The following SPIDR variants were observed in gnomAD, a reference collection of about 807,000 sequenced individuals.
The protein encoded by SPIDR is scaffold protein involved in DNA repair.
In SPIDR, 93 loss-of-function variants were observed where a neutral mutation model predicts 104.6. The ratio of observed to expected loss-of-function variants is 0.89; its 90% confidence interval spans 0.75 to 1.06. The LOEUF (loss-of-function observed/expected upper bound fraction) is 1.06, where lower values mean the gene tolerates loss of function less well. Among genes scored for constraint, SPIDR ranks in the 50% least tolerant of loss-of-function variants. The probability of loss-of-function intolerance (pLI) is 0.00; values close to 1 mark genes in which losing one functional copy is unlikely to be tolerated. For synonymous variants in SPIDR, 431 were observed against 416.9 expected, an observed-to-expected ratio of 1.03 and a Z score of -0.41; for missense variants, 1,154 against 1,111.2, an observed-to-expected ratio of 1.04 and a Z score of -0.55.
At chr8:47,290,762 G>T (rs1449681302) in intron 3 of SPIDR, among the ~76,000 whole-genome samples, 1 of 151,946 alleles carries the variant, frequency 6.6e-6, no homozygotes, top group Non-Finnish European at 1.5e-5. Flanking sequence ...TTATTTTTCC[G>T]GTTTTCATTT....
In SPIDR at chr8:47,269,269, T is replaced by A. The variant is rs1389868462; in HGVS notation, c.33+8278T>A. Among the ~76,000 whole-genome samples, 134 of 150,250 alleles carry A rather than the reference T, an allele frequency of 8.9e-4. 1 individual carries two copies. The highest frequency in any genetic ancestry group is 3.2e-3 in the African/African-American group (129 of 40,836). On this transcript the variant is annotated intron_variant, in intron 1 of 19. Transcript: ENST00000297423. ...GCAACAGAGTGAGACCATCTTTTTTTCCCCCCAAGACAGAATCTTGCGCTG... is the reference window on the plus strand; with the variant it reads ...GCAACAGAGTGAGACCATCTTTTTTACCCCCCAAGACAGAATCTTGCGCTG...
chr8:47,322,792 C>T (rs2046945837), intron 5 of SPIDR, among the ~76,000 whole-genome samples: 1 of 152,038 alleles, frequency 6.6e-6, no homozygotes. Flanking sequence ...TTTGTAGGGA[C>T]ATGGATGAAG....
intron 8 of SPIDR, among the ~76,000 whole-genome samples, chr8:47,455,268 C>CT (rs782634947): frequency 9.2e-5 from 14 of 151,980 alleles, no homozygotes; most frequent in Non-Finnish European, 1.9e-4. Flanking sequence ...GAGCAGAGTG[C>CT]TTGTAGACCA....
At chr8:47,367,640 G>A (rs2057393793) in intron 5 of SPIDR, among the ~76,000 whole-genome samples, 2 of 152,146 alleles carry the variant, frequency 1.3e-5, no homozygotes, top group South Asian at 4.1e-4. Context: ...TAAATGGTTG[G>A]TAAGAAATTC....
chr8:47,424,551 C>T (rs1036141054), intron 7 of SPIDR, among the ~76,000 whole-genome samples: 4 of 152,150 alleles, frequency 2.6e-5, no homozygotes, highest in Admixed American at 6.5e-5. Flanking sequence ...CTCTTGGCCT[C>T]AAGGGAACCT....
At chr8:47,470,437 C>T (rs1345616615) in intron 8 of SPIDR, among the ~76,000 whole-genome samples, 1 of 151,876 alleles carries the variant, frequency 6.6e-6, no homozygotes, top group Non-Finnish European at 1.5e-5. Flanking sequence ...TACAGGCGCC[C>T]ACCACCACGC....
intron 5 of SPIDR, chr8:47,330,854 C>T (rs1024058073): frequency 6.6e-6 from 3 of 455,806 alleles, no homozygotes; most frequent in Non-Finnish European, 8.8e-6. Flanking sequence ...CTTTCAACTC[C>T]TTTGAGTAGA....
At chr8:47,505,791 C>CT (rs1251940370) in intron 8 of SPIDR, among the ~76,000 whole-genome samples, 3 of 152,226 alleles carry the variant, frequency 2.0e-5, no homozygotes, top group Non-Finnish European at 4.4e-5. Flanking sequence ...AGTGACAACA[C>CT]TAGCAGTGCC....
intron 8 of SPIDR, among the ~76,000 whole-genome samples, chr8:47,514,048 G>A (rs1261896780): frequency 6.6e-6 from 1 of 152,102 alleles, no homozygotes; most frequent in Non-Finnish European, 1.5e-5. Context: ...GCAGAAAAAG[G>A]TCCATGGCAT....
At chr8:47,378,791 C>A (rs1206053590) in intron 5 of SPIDR, among the ~76,000 whole-genome samples, 1 of 152,200 alleles carries the variant, frequency 6.6e-6, no homozygotes, top group African/African-American at 2.4e-5. Flanking sequence ...TGCCAAAAGT[C>A]CAGCCGGTGC....
At chr8:47,732,546 A>C (rs1050177986) in intron 19 of SPIDR, 2 of 273,874 alleles carry the variant, frequency 7.3e-6, no homozygotes, top group Non-Finnish European at 1.4e-5. Flanking sequence ...TAGACAACTT[A>C]GGAGGCTCTT....
Position 47,331,517 on chromosome 8 carries a change from T to G in SPIDR, c.525+37487T>G, listed in dbSNP as rs570059074. ...GTACATTATAATATGGCATAAAAGA[T>G]AAACAGTGGTATACATGTATAGGGC... On this transcript the variant is annotated intron_variant, in intron 5 of 19. Coordinates refer to ENST00000297423, the MANE Select transcript of SPIDR (RefSeq NM_001080394.4). 2.6e-5 allele frequency among the ~76,000 whole-genome samples: 4 copies of G among 152,302 alleles called. No individual in the cohort carries two copies. In the East Asian group the frequency reaches 5.8e-4, roughly 22 times the overall value.
At chr8:47,356,189 A>G (rs1471829256) in intron 5 of SPIDR, among the ~76,000 whole-genome samples, 2 of 152,252 alleles carry the variant, frequency 1.3e-5, no homozygotes, top group African/African-American at 4.8e-5. Context: ...AATAGATACA[A>G]CTGTTTAAAC....
At chr8:47,566,488 G>A (rs1012753507) in intron 8 of SPIDR, among the ~76,000 whole-genome samples, 1 of 152,020 alleles carries the variant, frequency 6.6e-6, no homozygotes, top group African/African-American at 2.4e-5. Flanking sequence ...CCAGCTTCTT[G>A]CCTCCAGACA....
chr8:47,467,811 C>G (rs539744712), intron 8 of SPIDR, among the ~76,000 whole-genome samples: 5 of 152,290 alleles, frequency 3.3e-5, no homozygotes, highest in Non-Finnish European at 7.4e-5. Flanking sequence ...CAAGGATGCC[C>G]TCTCTCACCA....
intron 8 of SPIDR, among the ~76,000 whole-genome samples, chr8:47,476,883 G>A (rs1027894158): frequency 3.3e-5 from 5 of 152,202 alleles, no homozygotes; most frequent in Non-Finnish European, 5.9e-5. Flanking sequence ...GCAATATCTG[G>A]TAGTGACACC....
chr8:47,308,203 A>G (rs1359848537), intron 5 of SPIDR, among the ~76,000 whole-genome samples: 1 of 151,788 alleles, frequency 6.6e-6, no homozygotes, highest in Non-Finnish European at 1.5e-5. Context: ...CTGGGATTAC[A>G]GGTGTGTGCC....
chr8:47,488,277 A>G (rs1554733481), intron 8 of SPIDR, among the ~76,000 whole-genome samples: 1 of 152,240 alleles, frequency 6.6e-6, no homozygotes, highest in African/African-American at 2.4e-5. Context: ...TCCTGGACAC[A>G]TACACCCTTC....
intron 8 of SPIDR, among the ~76,000 whole-genome samples, chr8:47,446,388 A>G (rs781871190): frequency 1.2e-4 from 19 of 152,142 alleles, no homozygotes; most frequent in Non-Finnish European, 2.6e-4. Flanking sequence ...GAGACCTACT[A>G]CTGAGAAAAA....
Sources: allele counts gnomAD v4.1 joint callset (sites outside exome capture counted in the v4.1 genomes callset), GRCh38; gene constraint gnomAD v4.1.1; transcripts MANE v1.5; gene names NCBI Gene and HGNC (gene_info 2026-07-23, HGNC 2026-07-21).